CCDC178: variants seen among roughly 807,000 people sequenced by gnomAD.
CCDC178 encodes the protein coiled-coil domain-containing protein 178.
In CCDC178, 126 loss-of-function variants were observed where a neutral mutation model predicts 117.4. The observed-to-expected ratio is 1.07, with a 90% CI of 0.93 to 1.24. The LOEUF is 1.24. Ranked by LOEUF, CCDC178 falls within the 50% of genes most tolerant of loss-of-function variation. The pLI is 0.00. For synonymous variants in CCDC178, 283 were observed against 313.4 expected (o/e 0.90, Z 1.02); for missense variants, 1,030 against 986.9 (o/e 1.04, Z -0.59).
intron 20 of CCDC178, among the ~76,000 whole-genome samples, chr18:33,104,375 G>C (rs183805831): frequency 6.6e-6 from 1 of 151,598 alleles, no homozygotes; most frequent in East Asian, 1.9e-4. Flanking sequence ...AATAGTTACC[G>C]AATTCATGGT....
intron 20 of CCDC178, among the ~76,000 whole-genome samples, chr18:33,184,726 A>G (rs2058770450): frequency 6.6e-6 from 1 of 152,038 alleles, no homozygotes; most frequent in Non-Finnish European, 1.5e-5. Flanking sequence ...TCCTTTAGTG[A>G]TGAACTACCA....
intron 20 of CCDC178, among the ~76,000 whole-genome samples, chr18:33,205,786 C>G (rs1289154778): frequency 6.6e-6 from 1 of 152,192 alleles, no homozygotes; most frequent in African/African-American, 2.4e-5. Flanking sequence ...CCTCAACCTC[C>G]CGGGCTCAGG....
At chr18:33,043,917 A>G (rs975581035) in intron 21 of CCDC178, among the ~76,000 whole-genome samples, 3 of 151,854 alleles carry the variant, frequency 2.0e-5, no homozygotes, top group African/African-American at 7.2e-5. Flanking sequence ...ATGGCACTAG[A>G]TACTATGCTA....
intron 12 of CCDC178, among the ~76,000 whole-genome samples, chr18:33,282,443 T>C (rs2060036559): frequency 6.6e-6 from 1 of 152,032 alleles, no homozygotes; most frequent in Admixed American, 6.5e-5. Context: ...GTCCTGCACA[T>C]CAGATGGGAC....
At chr18:33,401,940 T>C (rs1599275140) in intron 3 of CCDC178, among the ~76,000 whole-genome samples, 1 of 152,156 alleles carries the variant, frequency 6.6e-6, no homozygotes, top group Non-Finnish European at 1.5e-5. Context: ...AGTAGAGCAA[T>C]TGTGGTCATT....
At chr18:33,236,491 G>A (rs895892676) in intron 15 of CCDC178, among the ~76,000 whole-genome samples, 1 of 152,120 alleles carries the variant, frequency 6.6e-6, no homozygotes, top group African/African-American at 2.4e-5. Context: ...CATTGGGAAT[G>A]GTTTCTTAAG....
chr18:33,099,822 C>T (rs2057597956), intron 20 of CCDC178, among the ~76,000 whole-genome samples: 1 of 151,986 alleles, frequency 6.6e-6, no homozygotes, highest in African/African-American at 2.4e-5. Context: ...TCTCCCAGGA[C>T]CCACTTCCTT....
At chr18:33,292,803 A>G (rs1240667251) in intron 12 of CCDC178, among the ~76,000 whole-genome samples, 1 of 151,926 alleles carries the variant, frequency 6.6e-6, no homozygotes, top group East Asian at 2.0e-4. Context: ...TAGGGGGTCT[A>G]GTGTGATATT....
At chr18:33,344,310 C>CAA (rs58987470) in intron 9 of CCDC178, among the ~76,000 whole-genome samples, 186 of 80,280 alleles carry the variant, frequency 2.3e-3, no homozygotes, top group Non-Finnish European at 3.5e-3. Flanking sequence ...GACTCCGTCT[C>CAA]AAAAAAAAAA....
chr18:32,986,667 G>GCAAGAAGGAA (rs2055270446), intron 21 of CCDC178, among the ~76,000 whole-genome samples: 1 of 152,044 alleles, frequency 6.6e-6, no homozygotes, highest in Non-Finnish European at 1.5e-5. Context: ...GCTCTGAGTT[G>GCAAGAAGGAA]CAAGAAGGAA....
intron 12 of CCDC178, among the ~76,000 whole-genome samples, chr18:33,282,980 C>A (rs139235474): frequency 6.6e-6 from 1 of 152,154 alleles, no homozygotes; most frequent in Non-Finnish European, 1.5e-5. Flanking sequence ...TCCAAGGCAA[C>A]CACACACAGA....
rs532069549 is a variant in CCDC178 at position 33,126,761 on chromosome 18, T to C, written c.2239-33851A>G. Among the ~76,000 whole-genome samples the C allele has an allele frequency of 3.3e-5, 5 of 151,914 alleles. No individual in the cohort carries two copies. In the South Asian group the frequency reaches 1.0e-3, roughly 32 times the overall value. On this transcript the variant is annotated intron_variant, in intron 20 of 22. Transcript: ENST00000383096. ...GCAACCTCTGCCTCCTGGGTTTAAG[T>C]GATTCTCCTGCCTCAGCCTCCCGAG...
At chr18:33,316,480 G>C (rs969078955) in intron 11 of CCDC178, among the ~76,000 whole-genome samples, 1 of 151,902 alleles carries the variant, frequency 6.6e-6, no homozygotes, top group African/African-American at 2.4e-5. Flanking sequence ...CCCACACGCC[G>C]TGGGCTCCTG....
chr18:33,047,159 C>A (rs1469592827), intron 21 of CCDC178, among the ~76,000 whole-genome samples: 3 of 152,114 alleles, frequency 2.0e-5, no homozygotes, highest in African/African-American at 7.2e-5. Flanking sequence ...GCAAAGATGT[C>A]ACAACTTACC....
In CCDC178 at chr18:33,346,295, T is replaced by A; in HGVS notation, c.574A>T (p.Arg192Ter). 1 of 1,613,960 alleles carries A rather than the reference T, an allele frequency of 6.2e-7. No homozygotes were observed. Among genetic ancestry groups the A allele is most frequent in the Non-Finnish European group, 8.5e-7 (1 of 1,179,874 alleles). Residue 192 changes from arginine to a stop codon, truncating the protein, a stop_gained, in exon 9 of 23, where the codon AGA becomes TGA. Transcript: ENST00000383096. LOFTEE classifies it high-confidence loss of function. ...ADAEEALKQQ[R>*]SRKNMINMKI... The stretch of plus-strand genomic sequence containing the variant: ...ATGTTAATCATATTCTTTCTTGATC[T>A]CTGTTGTTTTAAAGCTTCTTCAGCG...
At chr18:32,942,491 T>C (rs1283284610) in intron 22 of CCDC178, among the ~76,000 whole-genome samples, 1 of 152,080 alleles carries the variant, frequency 6.6e-6, no homozygotes, top group Non-Finnish European at 1.5e-5. Context: ...GGAAAGTTTT[T>C]TTCCCCATAA....
At position 33,091,214 on chromosome 18, in the gene CCDC178, CAT is replaced by C. The variant is rs1200051585; in HGVS notation, c.2388+1545_2388+1546del. 3.3e-5 allele frequency among the ~76,000 whole-genome samples: 5 copies of C among 150,278 alleles called. No individual in the cohort carries two copies. The East Asian group carries it at 8.1e-4, about 24-fold the overall frequency. On this transcript the variant is annotated intron_variant, in intron 21 of 22. Transcript: ENST00000383096. The stretch of plus-strand genomic sequence containing the variant: ...GCGTGAAGTGATTGGACAAATTCTT[CAT>C]AGATACATACATGCCCTTTCTTTGA...
At chr18:33,289,554 C>G (rs1305826700) in intron 12 of CCDC178, among the ~76,000 whole-genome samples, 1 of 152,028 alleles carries the variant, frequency 6.6e-6, no homozygotes, top group Non-Finnish European at 1.5e-5. Context: ...GCAGAGGTTG[C>G]AGTGAGCCAA....
At chr18:33,103,593 AAAG>A (rs1043275052) in intron 20 of CCDC178, among the ~76,000 whole-genome samples, 1 of 151,736 alleles carries the variant, frequency 6.6e-6, no homozygotes, top group Non-Finnish European at 1.5e-5. Flanking sequence ...AAAAAAAAAA[AAAG>A]AAATCTTTGT....
Sources: gnomAD v4.1 joint callset for allele counts (sites outside exome capture counted in the v4.1 genomes callset) on GRCh38, gnomAD v4.1.1 for gene constraint, MANE v1.5 for transcripts, NCBI Gene and HGNC (gene_info 2026-07-23, HGNC 2026-07-21) for gene names.